CFHR4: variants seen among roughly 807,000 people sequenced by gnomAD.
The protein encoded by CFHR4 is complement factor H related 4, also known as complement factor H-related protein 4.
Under a neutral mutation model 69.3 loss-of-function variants are expected in CFHR4, and 64 were observed. The ratio of observed to expected loss-of-function variants is 0.92; its 90% confidence interval spans 0.76 to 1.14. The LOEUF (loss-of-function observed/expected upper bound fraction) is 1.14. Among genes scored for constraint, CFHR4 ranks in the 50% most tolerant of loss-of-function variants. CFHR4 has a pLI of 0.00. For synonymous variants in CFHR4, 244 were observed against 237.0 expected (o/e 1.03, Z -0.27); for missense variants, 636 against 684.9 (o/e 0.93, Z 0.80).
chr1:196,890,118 C>A (rs6428372), intron 1 of CFHR4, among the ~76,000 whole-genome samples: 121,730 of 151,250 alleles, frequency 0.8, 49,688 homozygotes, highest in Non-Finnish European at 0.83. Flanking sequence ...TTACTCTTTA[C>A]TCATGGATAC....
intron 1 of CFHR4, among the ~76,000 whole-genome samples, chr1:196,895,769 G>C (rs1249454243): frequency 1.3e-5 from 2 of 151,034 alleles, no homozygotes; most frequent in Non-Finnish European, 2.9e-5. Flanking sequence ...GAAACTTTCA[G>C]TTTATTTTTT....
Position 196,918,440 on chromosome 1 carries a change from T to G in CFHR4, c.*34T>G. The G allele has an allele frequency of 6.4e-7, 1 of 1,565,314 alleles. No homozygotes were observed. Among genetic ancestry groups the G allele is most frequent in the South Asian group, 1.1e-5 (1 of 90,136 alleles). ...TGTTACCCTAAATGTATGTCCAACT[T>G]CCACTTCTCACTCTTATGGTCTCAA... On this transcript the variant is annotated 3_prime_UTR_variant, in exon 10 of 10. Coordinates refer to ENST00000608469, the MANE Select transcript of CFHR4 (RefSeq NM_001201550.3).
chr1:196,891,424 G>T (rs1657029090), intron 1 of CFHR4, among the ~76,000 whole-genome samples: 2 of 151,308 alleles, frequency 1.3e-5, no homozygotes, highest in South Asian at 4.2e-4. Flanking sequence ...GTGCATCCGT[G>T]CTTGACGGAC....
intron 6 of CFHR4, among the ~76,000 whole-genome samples, chr1:196,912,326 G>C (rs1246247383): frequency 2.6e-5 from 4 of 151,378 alleles, no homozygotes; most frequent in Admixed American, 6.6e-5. Context: ...TATGGTAGCA[G>C]TGTGTACCGT....
intron 5 of CFHR4, among the ~76,000 whole-genome samples, chr1:196,908,212 A>G (rs956644070): frequency 6.6e-6 from 1 of 151,330 alleles, no homozygotes; most frequent in African/African-American, 2.4e-5. Flanking sequence ...AATGTAGGTG[A>G]TGGGTTGATG....
At position 196,892,630 on chromosome 1, in the gene CFHR4, C is replaced by T. The variant is rs761395325; in HGVS notation, c.58+4422C>T. Among the ~76,000 whole-genome samples the T allele has an allele frequency of 4.5e-4, 68 of 151,250 alleles. 1 individual carries two copies. The highest frequency in any genetic ancestry group is 9.0e-4 in the Non-Finnish European group (61 of 67,884). ...AATAGCTATCACAGCAAACCTATGT[C>T]TATATTGAAATTCATATATACATTT... On this transcript the variant is annotated intron_variant, in intron 1 of 9. Transcript: ENST00000608469.
chr1:196,910,627 G>T (rs982637708), intron 6 of CFHR4, 149 bp downstream of exon 6: 3 of 598,306 alleles, frequency 5.0e-6, no homozygotes, highest in Non-Finnish European at 8.7e-6. Context: ...GATCTTTTCT[G>T]TTATGAGACC....
rs1396865951 is a variant in CFHR4, at chr1:196,912,783, T to C, written c.1041T>C (p.Ile347=). ...ATATAGAAATTGAAAATGGATTCAT[T>C]TCTGAATCTTCCTCTATTTATATTT... ...KSDIEIENGF[I]SESSSIYILN... is the part of the protein sequence containing the mutation. Residue 347 remains isoleucine (I), a synonymous_variant, in exon 7 of 10, where the codon ATT becomes ATC. Transcript: ENST00000608469. 3.8e-6 allele frequency: 6 copies of C among 1,599,170 alleles called. No homozygotes were observed. Among genetic ancestry groups the C allele is most frequent in the South Asian group, 1.1e-5 (1 of 87,660 alleles).
chr1:196,914,745 A>G lies in CFHR4; in HGVS notation c.1357+74A>G. Reference sequence around the variant, plus strand: ...GACACCTACATATGTATATGTACACATATGTGTGTACATATATGTACATAT... The same window carrying G: ...GACACCTACATATGTATATGTACACGTATGTGTGTACATATATGTACATAT... On this transcript the variant is annotated intron_variant, in intron 8 of 9. Coordinates refer to ENST00000608469, the MANE Select transcript of CFHR4 (RefSeq NM_001201550.3). 1.4e-6 allele frequency: 2 copies of G among 1,424,586 alleles called. 1 individual carries two copies. Among genetic ancestry groups the G allele is most frequent in the South Asian group, 2.8e-5 (2 of 71,426 alleles). 88.2% of individuals were successfully genotyped at this position (1,424,586 alleles called of 1,614,324 possible).
intron 1 of CFHR4, among the ~76,000 whole-genome samples, chr1:196,898,552 A>G (rs1046365752): frequency 1.3e-5 from 2 of 151,630 alleles, no homozygotes; most frequent in African/African-American, 2.4e-5. Context: ...ATATTTCTCT[A>G]TTCTTCCAAT....
chr1:196,897,987 G>C (rs1437374558), intron 1 of CFHR4, among the ~76,000 whole-genome samples: 1 of 151,452 alleles, frequency 6.6e-6, no homozygotes. Flanking sequence ...AAAGACTTCT[G>C]TGTGGAATAC....
At chr1:196,902,287 A>G (rs565159369) in intron 1 of CFHR4, 131 bp from the exon 2 acceptor site, 1 of 662,610 alleles carries the variant, frequency 1.5e-6, no homozygotes, top group South Asian at 2.0e-5. Context: ...GATTTCTGTA[A>G]CTTTTCTTGC....
intron 2 of CFHR4, 104 bp downstream of exon 2, chr1:196,902,719 G>A (rs892475340): frequency 4.7e-6 from 4 of 856,622 alleles, no homozygotes; most frequent in Non-Finnish European, 7.1e-6. Context: ...TAGGACCAAA[G>A]GAAGAGTTGT....
In CFHR4 at chr1:196,915,518, C is replaced by G. The variant is rs1227789495; in HGVS notation, c.1540+380C>G. Among the ~76,000 whole-genome samples, 2 of 151,380 alleles carry G rather than the reference C, an allele frequency of 1.3e-5. 1 individual carries two copies. Among genetic ancestry groups the G allele is most frequent in the East Asian group, 3.9e-4 (2 of 5,178 alleles). ...GGCATGCTGGCATATGCCTGTAATC[C>G]TAGCTACTCAGGAGGGTGAGGCAGG... On this transcript the variant is annotated intron_variant, in intron 9 of 9. Coordinates refer to ENST00000608469, the MANE Select transcript of CFHR4 (RefSeq NM_001201550.3).
In CFHR4 at chr1:196,888,101, A is replaced by G. The variant is rs766156449; in HGVS notation, c.-50A>G. ...TAATAATGAAAGATTTCAAACCCCAAACAGTGCAACTGAAACTTTTGCATT... is the reference window on the plus strand; with the variant it reads ...TAATAATGAAAGATTTCAAACCCCAGACAGTGCAACTGAAACTTTTGCATT... On this transcript the variant is annotated 5_prime_UTR_variant, in exon 1 of 10. Transcript: ENST00000608469. 48 of 1,577,466 alleles carry G rather than the reference A, an allele frequency of 3.0e-5. No individual in the cohort carries two copies. The highest frequency in any genetic ancestry group is 5.0e-5 in the Admixed American group (3 of 59,538).
At chr1:196,910,530 G>T in intron 6 of CFHR4, 52 bp downstream of exon 6, 8 of 1,425,840 alleles carry the variant, frequency 5.6e-6, no homozygotes, top group Non-Finnish European at 7.9e-6. Context: ...AAAGAATGGA[G>T]AGAGAAGAGC....
At chr1:196,897,578 T>C (rs1271862317) in intron 1 of CFHR4, among the ~76,000 whole-genome samples, 1 of 151,172 alleles carries the variant, frequency 6.6e-6, no homozygotes, top group Non-Finnish European at 1.5e-5. Context: ...GAGCCCGAAG[T>C]GGGGGATGGA....
At chr1:196,908,290 C>T (rs1460092250) in intron 5 of CFHR4, among the ~76,000 whole-genome samples, 2 of 151,300 alleles carry the variant, frequency 1.3e-5, no homozygotes, top group East Asian at 1.9e-4. Flanking sequence ...ACATGTACCC[C>T]GAACTTAAAG....
Position 196,888,137 on chromosome 1 carries a change from TG to T in CFHR4, c.-13del. 6.2e-7 allele frequency: 1 copy of T among 1,604,958 alleles called. No individual in the cohort carries two copies. Among genetic ancestry groups the T allele is most frequent in the Non-Finnish European group, 8.5e-7 (1 of 1,173,004 alleles). Reference sequence around the variant, plus strand: ...TGAAACTTTTGCATTACTATACTACTGAGAATATCTAACATGTTGTTACTAA... The same window carrying T: ...TGAAACTTTTGCATTACTATACTACTAGAATATCTAACATGTTGTTACTAA... On this transcript the variant is annotated 5_prime_UTR_variant, in exon 1 of 10. An upstream open reading frame in the 5' UTR loses its in-frame stop. Coordinates refer to ENST00000608469, the MANE Select transcript of CFHR4 (RefSeq NM_001201550.3).
Sources: gnomAD v4.1 joint callset for allele counts (sites outside exome capture counted in the v4.1 genomes callset) on GRCh38, gnomAD v4.1.1 for gene constraint, MANE v1.5 for transcripts, NCBI Gene and HGNC (gene_info 2026-07-23, HGNC 2026-07-21) for gene names.